MPP7: variants seen among roughly 807,000 people sequenced by gnomAD.
The protein encoded by MPP7 is MAGUK p55 scaffold protein 7.
In MPP7, 60 loss-of-function variants were observed where a neutral mutation model predicts 76.5. That is an observed-to-expected ratio of 0.78 (90% CI 0.64 to 0.97). The LOEUF (loss-of-function observed/expected upper bound fraction) is 0.97, where lower values mean the gene tolerates loss of function less well. MPP7 is among the 50% of genes least tolerant of loss of function. The pLI, the probability that MPP7 is intolerant of heterozygous loss-of-function variation, is 0.00. For missense variants in MPP7, 641 were observed against 694.0 expected, an observed-to-expected ratio of 0.92 and a Z score of 0.86; for synonymous variants, 237 against 244.5, an observed-to-expected ratio of 0.97 and a Z score of 0.29.
intron 12 of MPP7, among the ~76,000 whole-genome samples, chr10:28,075,796 G>A (rs1045278238): frequency 6.6e-6 from 1 of 152,098 alleles, no homozygotes; most frequent in African/African-American, 2.4e-5. Context: ...CACTTCCAAG[G>A]AATTATCACA....
At chr10:28,326,329 G>A (rs1165577473) in intron 2 of MPP7, among the ~76,000 whole-genome samples, 2 of 152,290 alleles carry the variant, frequency 1.3e-5, no homozygotes, top group East Asian at 3.9e-4. Flanking sequence ...GCAGAGAAGG[G>A]CTGCTACAAA....
intron 11 of MPP7, among the ~76,000 whole-genome samples, chr10:28,098,064 T>C (rs1853650508): frequency 6.6e-6 from 1 of 152,174 alleles, no homozygotes; most frequent in Non-Finnish European, 1.5e-5. Context: ...AATGCTTACA[T>C]ACATAAATTA....
At chr10:28,057,966 T>C in intron 15 of MPP7, 1 of 885,908 alleles carries the variant, frequency 1.1e-6, no homozygotes, top group Non-Finnish European at 1.5e-6. Flanking sequence ...ATAATGGAGT[T>C]TCCAGGATGA....
intron 2 of MPP7, among the ~76,000 whole-genome samples, chr10:28,308,147 T>A (rs1841269677): frequency 7.0e-6 from 1 of 141,984 alleles, no homozygotes; most frequent in Admixed American, 7.1e-5. Context: ...TAGGCAGGAT[T>A]TAAACTCCTT....
chr10:28,311,963 T>A (rs11007007), intron 2 of MPP7, among the ~76,000 whole-genome samples: 54,399 of 151,956 alleles, frequency 0.36, 9,999 homozygotes, highest in East Asian at 0.54. Flanking sequence ...AAAAGATCAA[T>A]TTTTTTTCTG....
chr10:28,078,709 A>G (rs1268433470), intron 12 of MPP7, among the ~76,000 whole-genome samples: 4 of 152,200 alleles, frequency 2.6e-5, no homozygotes, highest in African/African-American at 9.6e-5. Context: ...AGGTCTTGGG[A>G]AAAATGTGTG....
chr10:28,152,643 C>A (rs1334709162), intron 3 of MPP7, among the ~76,000 whole-genome samples: 6 of 152,136 alleles, frequency 3.9e-5, no homozygotes, highest in Admixed American at 3.3e-4. Flanking sequence ...CTGAATTCTT[C>A]ATTTTATTTA....
chr10:28,091,412 C>T (rs1314257077), intron 11 of MPP7, among the ~76,000 whole-genome samples: 5 of 151,732 alleles, frequency 3.3e-5, no homozygotes, highest in Non-Finnish European at 5.9e-5. Flanking sequence ...CTCAGCTTCC[C>T]GAGTAGCTGG....
At chr10:28,194,373 T>C (rs1837511826) in intron 3 of MPP7, among the ~76,000 whole-genome samples, 1 of 152,210 alleles carries the variant, frequency 6.6e-6, no homozygotes, top group African/African-American at 2.4e-5. Flanking sequence ...CCGTGATATT[T>C]ATCCAAATGA....
At chr10:28,330,561 GCAATA>G (rs1405230794) in intron 1 of MPP7, among the ~76,000 whole-genome samples, 1 of 152,162 alleles carries the variant, frequency 6.6e-6, no homozygotes, top group African/African-American at 2.4e-5. Flanking sequence ...TCTGGCCTAT[GCAATA>G]TGGGGTGGCT....
chr10:28,068,024 G>C (rs951356713), intron 13 of MPP7, among the ~76,000 whole-genome samples: 2 of 151,906 alleles, frequency 1.3e-5, no homozygotes, highest in Admixed American at 6.6e-5. Flanking sequence ...ACAAACAAAG[G>C]AGATGAATAC....
chr10:28,193,973 A>T (rs1182411731), intron 3 of MPP7, among the ~76,000 whole-genome samples: 1 of 151,966 alleles, frequency 6.6e-6, no homozygotes, highest in Non-Finnish European at 1.5e-5. Context: ...AACATGGTAC[A>T]GTCACCTTAA....
At chr10:28,118,278 AG>A in intron 11 of MPP7, 3 of 983,820 alleles carry the variant, frequency 3.0e-6, no homozygotes, top group Non-Finnish European at 3.6e-6. Context: ...CCTTTTGTAT[AG>A]TTCTTTTAAA....
chr10:28,055,828 G>A (rs10508729), intron 16 of MPP7, among the ~76,000 whole-genome samples: 2 of 152,082 alleles, frequency 1.3e-5, no homozygotes, highest in African/African-American at 4.8e-5. Flanking sequence ...TTATACAAAT[G>A]TTCAGCCTAC....
At chr10:28,320,036 T>TA (rs1211423632) in intron 2 of MPP7, among the ~76,000 whole-genome samples, 3 of 152,152 alleles carry the variant, frequency 2.0e-5, no homozygotes, top group African/African-American at 7.2e-5. Context: ...GAAACTGCTC[T>TA]ATTGAAGTTC....
At position 28,250,704 on chromosome 10, in the gene MPP7, C is replaced by A. The variant is rs182942307; in HGVS notation, c.-131-11969G>T. ...TCTTTGCAAAAATCACACCAACACC[C>A]TCTCTCAAGTTTTCTATAAAACTAC... On this transcript the variant is annotated intron_variant, in intron 1 of 16. Transcript: ENST00000683449. Among the ~76,000 whole-genome samples, 222 of 152,310 alleles carry A rather than the reference C, an allele frequency of 1.5e-3. 1 individual carries two copies. The highest frequency in any genetic ancestry group is 2.5e-3 in the Non-Finnish European group (168 of 68,022).
chr10:28,271,431 G>T (rs190890553), intron 1 of MPP7, among the ~76,000 whole-genome samples: 1 of 152,272 alleles, frequency 6.6e-6, no homozygotes, highest in East Asian at 1.9e-4. Context: ...ATGACATAAA[G>T]ACACTGTTCT....
chr10:28,167,601 C>T lies in MPP7; in HGVS notation c.157-17542G>A, dbSNP rs542573443. Among the ~76,000 whole-genome samples, 5 of 152,174 alleles carry T rather than the reference C, an allele frequency of 3.3e-5. 1 individual carries two copies. Among genetic ancestry groups the T allele is most frequent in the East Asian group, 3.9e-4 (2 of 5,164 alleles). On this transcript the variant is annotated intron_variant, in intron 3 of 16. Coordinates refer to ENST00000683449, the MANE Select transcript of MPP7 (RefSeq NM_001318170.2). ...CATATCCATGTAACAAACCTACACG[C>T]GTACCTACTGATCTAAAATTTAAAA... is the stretch of plus-strand genomic sequence containing the variant.
At position 28,059,710 on chromosome 10, in the gene MPP7, T is replaced by C. The variant is rs1201695343; in HGVS notation, c.1238A>G (p.Asp413Gly). The change falls in exon 14 of 17, where the codon GAT (aspartate) becomes GGT (glycine). Residue 413 changes from aspartate (D) to glycine (G), a missense_variant. Asp to Gly is a moderately conservative substitution (Grantham distance 94). Coordinates refer to ENST00000683449, the MANE Select transcript of MPP7 (RefSeq NM_001318170.2). ...TTRARRSQES[D>G]GVEYIFISKH... is the part of the protein sequence containing the mutation. Reference sequence around the variant, plus strand: ...GGAAATGAAAATGTATTCAACACCATCACTCTCCTGGCTTCTTCTTGCTCT... The same window carrying C: ...GGAAATGAAAATGTATTCAACACCACCACTCTCCTGGCTTCTTCTTGCTCT... 5.6e-6 allele frequency: 9 copies of C among 1,613,528 alleles called. No individual in the cohort carries two copies. Among genetic ancestry groups the C allele is most frequent in the Non-Finnish European group, 7.6e-6 (9 of 1,179,636 alleles).
Sources: gnomAD v4.1 joint callset for allele counts (sites outside exome capture counted in the v4.1 genomes callset) on GRCh38, gnomAD v4.1.1 for gene constraint, MANE v1.5 for transcripts, NCBI Gene and HGNC (gene_info 2026-07-23, HGNC 2026-07-21) for gene names.